The following SCN9A variants were observed in gnomAD, a reference collection of about 807,000 sequenced individuals.
SCN9A encodes the protein sodium channel protein type 9 subunit alpha.
In SCN9A, 131 loss-of-function variants were observed where a neutral mutation model predicts 187.0. The ratio of observed to expected loss-of-function variants is 0.70; its 90% CI spans 0.61 to 0.81. The LOEUF (loss-of-function observed/expected upper bound fraction) is 0.81. Ranked by LOEUF, SCN9A falls within the 30% of genes least tolerant of loss-of-function variation. The pLI is 0.00. For synonymous variants in SCN9A, 809 were observed against 808.6 expected, an observed-to-expected ratio of 1.00 and a Z score of -0.01; for missense variants, 2,252 against 2,396.6, an observed-to-expected ratio of 0.94 and a Z score of 1.26.
At chr2:166,275,663 G>T in intron 16 of SCN9A, among the ~76,000 whole-genome samples, 1 of 151,890 alleles carries the variant, frequency 6.6e-6, no homozygotes. Flanking sequence ...CAAAGAGAAT[G>T]TGCATTTCAT....
intron 1 of SCN9A, among the ~76,000 whole-genome samples, chr2:166,332,851 G>T (rs1271955813): frequency 1.3e-5 from 2 of 151,588 alleles, no homozygotes; most frequent in Non-Finnish European, 2.9e-5. Flanking sequence ...AATCTTGCAG[G>T]ACCATAAGCC....
chr2:166,247,188 A>G (rs1238218071), intron 18 of SCN9A, among the ~76,000 whole-genome samples: 1 of 150,102 alleles, frequency 6.7e-6, no homozygotes, highest in Non-Finnish European at 1.5e-5. Context: ...AAGGAAAGGA[A>G]AGAAAAAAGA....
intron 26 of SCN9A, 47 bp downstream of exon 26, chr2:166,203,908 G>A (rs555517175): frequency 6.6e-6 from 8 of 1,208,420 alleles, no homozygotes; most frequent in African/African-American, 6.1e-5. Flanking sequence ...CATAAGTGAA[G>A]TTTAGCTTTA....
chr2:166,316,693 CAAAT>C (rs1574919025), intron 1 of SCN9A, among the ~76,000 whole-genome samples: 1 of 152,106 alleles, frequency 6.6e-6, no homozygotes, highest in African/African-American at 2.4e-5. Flanking sequence ...GACTCCGTCT[CAAAT>C]AAATAAATAA....
chr2:166,239,221 TCAA>T (rs774844782), intron 19 of SCN9A, among the ~76,000 whole-genome samples: 3,978 of 130,044 alleles, frequency 0.031, 231 homozygotes, highest in African/African-American at 0.1. Context: ...AGACTCTGTC[TCAA>T]AAAAAAAAAA....
chr2:166,298,190 A>G (rs1698401621), intron 7 of SCN9A, among the ~76,000 whole-genome samples: 1 of 152,222 alleles, frequency 6.6e-6, no homozygotes, highest in Non-Finnish European at 1.5e-5. Flanking sequence ...GCTGTAGATG[A>G]AGGAGATAGG....
intron 18 of SCN9A, 100 bp from the exon 19 acceptor site, chr2:166,242,756 C>T: frequency 1.2e-6 from 1 of 826,008 alleles, no homozygotes; most frequent in Non-Finnish European, 1.8e-6. Context: ...ACTCCCTCAA[C>T]CAAATAATTT....
chr2:166,360,236 G>A (rs201589695), intron 1 of SCN9A, among the ~76,000 whole-genome samples: 8,398 of 42,712 alleles, frequency 0.2, 1,098 homozygotes, highest in African/African-American at 0.32. Flanking sequence ...AAAAAAAAAA[G>A]AAAAAAAAAA....
At chr2:166,203,058 T>C (rs1693621004) in intron 26 of SCN9A, among the ~76,000 whole-genome samples, 1 of 151,794 alleles carries the variant, frequency 6.6e-6, no homozygotes, top group Non-Finnish European at 1.5e-5. Flanking sequence ...TTTTTGTTAG[T>C]GTGAAATTCT....
rs757280637 is a variant in SCN9A at position 166,198,623 on chromosome 2, CAAAT to C, written c.*45_*48del. 5.1e-6 allele frequency: 7 copies of C among 1,360,018 alleles called. No homozygotes were observed. In the African/African-American group the frequency reaches 8.8e-5, roughly 17 times the overall value. 84.2% of individuals were successfully genotyped at this position (1,360,018 alleles called of 1,614,324 possible). A position where few individuals can be genotyped will look rare whatever the true frequency, so the allele number is the denominator to read the frequency against. ...CTTCCTCAAAAGAGTTTTATTAACA[CAAAT>C]AAATCACTTTCACAGGCTGTAAACA... is the stretch of plus-strand genomic sequence containing the variant. On this transcript the variant is annotated 3_prime_UTR_variant, in exon 27 of 27. Transcript: ENST00000642356.
At chr2:166,358,086 T>TTTA (rs1700194630) in intron 1 of SCN9A, among the ~76,000 whole-genome samples, 1 of 136,150 alleles carries the variant, frequency 7.3e-6, no homozygotes, top group African/African-American at 2.7e-5. Context: ...TTATTTATTT[T>TTTA]GAGATGGAGT....
rs16851759 is a variant in SCN9A at position 166,198,543 on chromosome 2, G to A, written c.*129C>T. 0.012 allele frequency: 7,941 copies of A among 680,312 alleles called. 441 individuals are homozygous for A. In the African/African-American group the frequency reaches 0.12, roughly 11 times the overall value. The allele number at this position is 680,312 out of a possible 1,614,324, so 42.1% of individuals were successfully genotyped here. On this transcript the variant is annotated 3_prime_UTR_variant, in exon 27 of 27. Transcript: ENST00000642356. ...TGCCCACCTTTCTTAGGAAATCAGA[G>A]TTAGTGACTGCACTGCCTTCGAGAA...
intron 1 of SCN9A, among the ~76,000 whole-genome samples, chr2:166,360,683 G>A (rs1441595376): frequency 6.6e-6 from 1 of 152,124 alleles, no homozygotes; most frequent in Non-Finnish European, 1.5e-5. Context: ...CCCCATAAAT[G>A]AAAGAGAGAA....
At chr2:166,206,780 C>T (rs2106351137) in intron 24 of SCN9A, among the ~76,000 whole-genome samples, 1 of 152,066 alleles carries the variant, frequency 6.6e-6, no homozygotes, top group Middle Eastern at 3.4e-3. Flanking sequence ...TGATAATATA[C>T]ATTTCTATAT....
chr2:166,337,933 CA>C (rs1484563299), intron 1 of SCN9A, among the ~76,000 whole-genome samples: 2 of 152,030 alleles, frequency 1.3e-5, no homozygotes, highest in Admixed American at 1.3e-4. Flanking sequence ...CATTATTAGG[CA>C]GGGGGAGTTA....
At chr2:166,305,763 T>G (rs537243887) in intron 5 of SCN9A, 29 bp downstream of exon 5, 1 of 1,613,112 alleles carries the variant, frequency 6.2e-7, no homozygotes, top group South Asian at 1.1e-5. Flanking sequence ...TTCATAAATT[T>G]GCCGTTTCAA....
At chr2:166,269,254 T>C (rs568628311) in intron 17 of SCN9A, among the ~76,000 whole-genome samples, 6 of 152,120 alleles carry the variant, frequency 3.9e-5, no homozygotes, top group African/African-American at 1.2e-4. Context: ...AGAGTAATTT[T>C]ATGAATGGTT....
intron 1 of SCN9A, among the ~76,000 whole-genome samples, chr2:166,349,832 C>G (rs866709551): frequency 4.0e-5 from 6 of 151,798 alleles, no homozygotes; most frequent in Non-Finnish European, 5.9e-5. Flanking sequence ...ATTAGCCAGG[C>G]GTGGTGGGGC....
chr2:166,201,056 T>C (rs1409996433), intron 26 of SCN9A, among the ~76,000 whole-genome samples: 1 of 152,046 alleles, frequency 6.6e-6, no homozygotes, highest in African/African-American at 2.4e-5. Flanking sequence ...GACTAGCATT[T>C]ATACTGTTTC....
Sources: gnomAD v4.1 joint callset for allele counts (sites outside exome capture counted in the v4.1 genomes callset) on GRCh38, gnomAD v4.1.1 for gene constraint, MANE v1.5 for transcripts, NCBI Gene and HGNC (gene_info 2026-07-23, HGNC 2026-07-21) for gene names.